The following NRXN1 variants were observed in gnomAD, a reference collection of about 807,000 sequenced individuals.
NRXN1 encodes the protein neurexin-1.
In NRXN1, 39 loss-of-function variants were observed where a neutral mutation model predicts 150.9. The observed-to-expected ratio is 0.26, with a 90% CI of 0.20 to 0.34. The LOEUF (loss-of-function observed/expected upper bound fraction) is 0.34. Ranked by LOEUF, NRXN1 falls within the 10% of genes least tolerant of loss-of-function variation. The pLI, the probability that NRXN1 is intolerant of heterozygous loss-of-function variation, is 1.00. For missense variants in NRXN1, 1,815 were observed against 1,949.9 expected (o/e 0.93, Z 1.30); for synonymous variants, 924 against 757.0 (o/e 1.22, Z -3.62).
At chr2:50,670,929 G>A (rs1246941897) in intron 5 of NRXN1, among the ~76,000 whole-genome samples, 5 of 151,732 alleles carry the variant, frequency 3.3e-5, no homozygotes, top group African/African-American at 4.8e-5. Context: ...TGTCCGCTGT[G>A]TTACTCCACT....
intron 8 of NRXN1, among the ~76,000 whole-genome samples, chr2:50,599,488 T>C (rs1238965159): frequency 1.3e-5 from 2 of 152,338 alleles, no homozygotes; most frequent in Non-Finnish European, 1.5e-5. Flanking sequence ...GAATAAATAT[T>C]CTTGCCTTGA....
chr2:50,229,047 T>C (rs778107750), intron 18 of NRXN1, among the ~76,000 whole-genome samples: 42 of 152,162 alleles, frequency 2.8e-4, no homozygotes, highest in Non-Finnish European at 5.6e-4. Flanking sequence ...CCCATAAAAA[T>C]TATGTCTAGT....
At chr2:50,657,411 A>C (rs1010228885) in intron 5 of NRXN1, among the ~76,000 whole-genome samples, 5 of 152,046 alleles carry the variant, frequency 3.3e-5, no homozygotes, top group Non-Finnish European at 7.4e-5. Flanking sequence ...TACTGAGTAT[A>C]CCATAGTTAA....
chr2:50,322,588 A>G (rs1049440124), intron 17 of NRXN1, among the ~76,000 whole-genome samples: 4 of 152,220 alleles, frequency 2.6e-5, no homozygotes, highest in Non-Finnish European at 4.4e-5. Context: ...TGGCTAACTA[A>G]TGAGGATGAG....
At chr2:50,995,775 C>T (rs527663801) in intron 2 of NRXN1, among the ~76,000 whole-genome samples, 184 of 152,000 alleles carry the variant, frequency 1.2e-3, no homozygotes, top group Admixed American at 2.8e-3. Flanking sequence ...GGCTTTACGC[C>T]GAGCAAGGCA....
intron 18 of NRXN1, among the ~76,000 whole-genome samples, chr2:50,171,162 T>C (rs1323599232): frequency 6.6e-6 from 1 of 151,780 alleles, no homozygotes; most frequent in Non-Finnish European, 1.5e-5. Flanking sequence ...TGCTGTCTCA[T>C]GGGTGGCAGA....
intron 8 of NRXN1, among the ~76,000 whole-genome samples, chr2:50,585,644 G>C (rs1401994369): frequency 6.6e-6 from 1 of 152,058 alleles, no homozygotes; most frequent in Non-Finnish European, 1.5e-5. Flanking sequence ...TATAAATAGA[G>C]GCTATTGAAA....
In NRXN1 at chr2:50,907,519, G is replaced by A. The variant is rs1683887221; in HGVS notation, c.832+14350C>T. Among the ~76,000 whole-genome samples the A allele has an allele frequency of 2.0e-5, 3 of 152,008 alleles. No homozygotes were observed. The South Asian group carries it at 6.2e-4, about 31-fold the overall frequency. On this transcript the variant is annotated intron_variant, in intron 5 of 22. Transcript: ENST00000401669. Reference sequence around the variant, plus strand: ...CTTAAAGATAGCAAAGGCAATTAAGGTTGAAGATGTTAATTACGTTTGCTA... The same window carrying A: ...CTTAAAGATAGCAAAGGCAATTAAGATTGAAGATGTTAATTACGTTTGCTA...
At chr2:50,042,343 T>C (rs1691115604) in intron 21 of NRXN1, among the ~76,000 whole-genome samples, 2 of 152,138 alleles carry the variant, frequency 1.3e-5, no homozygotes, top group African/African-American at 4.8e-5. Flanking sequence ...GCTATTCTCA[T>C]GATGGTAAGT....
At chr2:50,466,538 C>T in intron 16 of NRXN1, 1 of 456,510 alleles carries the variant, frequency 2.2e-6, no homozygotes, top group South Asian at 1.6e-5. Flanking sequence ...TGTTAGTAAG[C>T]AATACTGAAA....
chr2:50,071,819 C>T (rs778770378), intron 19 of NRXN1, among the ~76,000 whole-genome samples: 1 of 152,102 alleles, frequency 6.6e-6, no homozygotes, highest in Non-Finnish European at 1.5e-5. Flanking sequence ...AGTCTAAAAG[C>T]GAGTACTCAT....
At chr2:49,930,089 T>C (rs1669855882) in intron 22 of NRXN1, among the ~76,000 whole-genome samples, 1 of 152,148 alleles carries the variant, frequency 6.6e-6, no homozygotes, top group Non-Finnish European at 1.5e-5. Context: ...ACATGTCGAA[T>C]GACCTTGAGG....
intron 20 of NRXN1, among the ~76,000 whole-genome samples, chr2:50,053,935 GACA>G (rs1693194193): frequency 6.6e-6 from 1 of 152,066 alleles, no homozygotes; most frequent in Admixed American, 6.6e-5. Context: ...AAAAATGTAA[GACA>G]ACATTTCAAG....
In NRXN1 at chr2:50,732,980, G is replaced by T. The variant is rs115798270; in HGVS notation, c.833-109365C>A. Among the ~76,000 whole-genome samples, 678 of 152,158 alleles carry T rather than the reference G, an allele frequency of 4.5e-3. 5 individuals carry two copies. Among genetic ancestry groups the T allele is most frequent in the African/African-American group, 0.015 (617 of 41,524 alleles). On this transcript the variant is annotated intron_variant, in intron 5 of 22. Transcript: ENST00000401669. ...TAACAACTAGCTCAGATTCCAATGTGGCCAATACTTTCAAACCAGACACTA... is the reference window on the plus strand; with the variant it reads ...TAACAACTAGCTCAGATTCCAATGTTGCCAATACTTTCAAACCAGACACTA...
intron 8 of NRXN1, among the ~76,000 whole-genome samples, chr2:50,596,144 A>C (rs1675163334): frequency 6.6e-6 from 1 of 152,158 alleles, no homozygotes; most frequent in African/African-American, 2.4e-5. Flanking sequence ...CTTTTTGCTC[A>C]TGGCCAACTT....
chr2:50,273,822 T>C (rs1184257166), intron 17 of NRXN1, among the ~76,000 whole-genome samples: 1 of 152,058 alleles, frequency 6.6e-6, no homozygotes, highest in Non-Finnish European at 1.5e-5. Flanking sequence ...AAAACCACAA[T>C]GACATACCAT....
intron 14 of NRXN1, among the ~76,000 whole-genome samples, 193 bp downstream of exon 14, chr2:50,497,140 A>T (rs2091681066): frequency 6.6e-6 from 1 of 152,188 alleles, no homozygotes; most frequent in Non-Finnish European, 1.5e-5. Flanking sequence ...GTAGGTGCAA[A>T]AAACTGTCCT....
intron 8 of NRXN1, among the ~76,000 whole-genome samples, chr2:50,580,151 G>T (rs529363868): frequency 6.6e-6 from 1 of 152,164 alleles, no homozygotes. Context: ...CATATTTCCT[G>T]AAGAAAATGC....
intron 5 of NRXN1, among the ~76,000 whole-genome samples, chr2:50,826,420 T>G (rs1337509800): frequency 6.6e-6 from 1 of 152,092 alleles, no homozygotes; most frequent in Non-Finnish European, 1.5e-5. Flanking sequence ...CACAGATCAT[T>G]TGGCCTGAAA....
Sources: allele counts gnomAD v4.1 joint callset (sites outside exome capture counted in the v4.1 genomes callset), GRCh38; gene constraint gnomAD v4.1.1; transcripts MANE v1.5; gene names NCBI Gene and HGNC (gene_info 2026-07-23, HGNC 2026-07-21).